Variants in DIP2A observed in about 807,000 individuals in gnomAD.
The protein encoded by DIP2A is disco-interacting protein 2 homolog A.
In DIP2A, 85 loss-of-function variants were observed where a neutral mutation model predicts 177.4. The observed-to-expected ratio is 0.48, with a 90% confidence interval of 0.40 to 0.57. The LOEUF (loss-of-function observed/expected upper bound fraction) is 0.57, where lower values mean the gene tolerates loss of function less well. Among genes scored for constraint, DIP2A ranks in the 20% least tolerant of loss-of-function variants. DIP2A has a pLI of 0.00. For missense variants in DIP2A, 1,791 were observed against 2,100.2 expected (o/e 0.85, Z 2.88); for synonymous variants, 886 against 881.8 (o/e 1.00, Z -0.08).
At chr21:46,478,163 C>T (rs533895145) in intron 1 of DIP2A, among the ~76,000 whole-genome samples, 1 of 151,840 alleles carries the variant, frequency 6.6e-6, no homozygotes, top group Non-Finnish European at 1.5e-5. Context: ...TTTGTATTTC[C>T]CTATATACTT....
intron 9 of DIP2A, among the ~76,000 whole-genome samples, chr21:46,530,578 A>G (rs182002889): frequency 7.3e-4 from 111 of 152,316 alleles, no homozygotes; most frequent in African/African-American, 2.5e-3. Context: ...AGACTAAGAG[A>G]TGGAGAGCGG....
chr21:46,534,798 C>T (rs2059495016), intron 13 of DIP2A, 111 bp downstream of exon 13: 2 of 890,442 alleles, frequency 2.2e-6, no homozygotes, highest in Non-Finnish European at 3.4e-6. Context: ...TGGGTAGTGC[C>T]TTTGCCCATT....
At chr21:46,504,328 C>CA (rs1457400063) in intron 5 of DIP2A, 33 bp from the exon 6 acceptor site, 1 of 1,611,778 alleles carries the variant, frequency 6.2e-7, no homozygotes, top group Non-Finnish European at 8.5e-7. Flanking sequence ...ACTTAACAGC[C>CA]ACTTTCATTT....
intron 1 of DIP2A, among the ~76,000 whole-genome samples, chr21:46,464,844 T>TTTTTTTTTTTTA (rs58546395): frequency 9.0e-6 from 1 of 111,232 alleles, no homozygotes; most frequent in African/African-American, 4.2e-5. Flanking sequence ...TTTTTTTTTT[T>TTTTTTTTTTTTA]CAAGAAAACA....
chr21:46,480,359 A>T (rs1601416194), intron 1 of DIP2A, among the ~76,000 whole-genome samples: 1 of 152,002 alleles, frequency 6.6e-6, no homozygotes. Flanking sequence ...ATGGGGAAAA[A>T]CCTGCCCCCG....
intron 8 of DIP2A, among the ~76,000 whole-genome samples, chr21:46,513,541 C>T (rs1283498772): frequency 6.6e-6 from 1 of 152,160 alleles, no homozygotes; most frequent in Non-Finnish European, 1.5e-5. Context: ...ATTGCCTTGA[C>T]TCTTCTTGGC....
intron 1 of DIP2A, among the ~76,000 whole-genome samples, chr21:46,468,888 A>G (rs1407291433): frequency 2.6e-5 from 4 of 152,308 alleles, no homozygotes; most frequent in Middle Eastern, 3.4e-3. Flanking sequence ...CAATTTTAAT[A>G]TCCTAAAACT....
intron 6 of DIP2A, among the ~76,000 whole-genome samples, chr21:46,508,173 G>A (rs2058114041): frequency 6.6e-6 from 1 of 151,420 alleles, no homozygotes; most frequent in Non-Finnish European, 1.5e-5. Flanking sequence ...AGCAGGGACT[G>A]CAGGCACAAG....
At chr21:46,562,032 A>G (rs756083786) in intron 34 of DIP2A, among the ~76,000 whole-genome samples, 6 of 152,172 alleles carry the variant, frequency 3.9e-5, no homozygotes, top group Admixed American at 2.0e-4. Flanking sequence ...CAAGAAAGGG[A>G]GAAGTTCAGG....
chr21:46,476,719 C>T (rs540386023), intron 1 of DIP2A, among the ~76,000 whole-genome samples: 1 of 147,728 alleles, frequency 6.8e-6, no homozygotes, highest in Non-Finnish European at 1.5e-5. Flanking sequence ...TGGAGTGGTA[C>T]AATCTTGGCT....
At chr21:46,551,221 T>G (rs1303248936) in intron 23 of DIP2A, among the ~76,000 whole-genome samples, 2 of 152,226 alleles carry the variant, frequency 1.3e-5, no homozygotes, top group Non-Finnish European at 2.9e-5. Context: ...AATGCAATTT[T>G]TCATTTCTTT....
intron 18 of DIP2A, among the ~76,000 whole-genome samples, chr21:46,543,658 G>T (rs1223134212): frequency 2.0e-5 from 3 of 151,458 alleles, no homozygotes; most frequent in African/African-American, 7.3e-5. Context: ...TGATTTGTTT[G>T]CAGCAGTTTT....
rs772935504 is a variant in DIP2A, at chr21:46,504,464, C to T, written c.759C>T (p.Ser253=). ...TGAGAAGTGTTCCTCGGGGGTGCAG[C>T]GGGAGCATGCTGGAAACAGCAGATG... The part of the protein sequence containing the change: ...ASVRSVPRGC[S]GSMLETADGV... The change falls in exon 6 of 38, where the codon AGC becomes AGT. Residue 253 remains serine (S), a synonymous_variant. Coordinates refer to ENST00000417564, the MANE Select transcript of DIP2A (RefSeq NM_015151.4). The T allele has an allele frequency of 4.3e-5, 70 of 1,611,240 alleles. No individual in the cohort carries two copies. The highest frequency in any genetic ancestry group is 1.0e-4 in the Admixed American group (6 of 59,840).
At chr21:46,517,883 C>T (rs142333182) in intron 8 of DIP2A, among the ~76,000 whole-genome samples, 225 of 152,364 alleles carry the variant, frequency 1.5e-3, no homozygotes, top group Non-Finnish European at 1.9e-3. Flanking sequence ...GCTCACTTTC[C>T]GGAGGGTTTT....
intron 3 of DIP2A, among the ~76,000 whole-genome samples, chr21:46,490,950 A>AT (rs1199907538): frequency 6.6e-6 from 1 of 152,192 alleles, no homozygotes; most frequent in East Asian, 1.9e-4. Flanking sequence ...TTCTTAGGGG[A>AT]TGCCTACAAA....
the DIP2A span, among the ~76,000 whole-genome samples, chr21:46,578,131 G>T: frequency 6.6e-6 from 1 of 152,152 alleles, no homozygotes; most frequent in African/African-American, 2.4e-5. Flanking sequence ...GGCCAACATG[G>T]TGAAATCCTG....
intron 37 of DIP2A, among the ~76,000 whole-genome samples, chr21:46,567,123 G>C (rs1330610606): frequency 6.6e-6 from 1 of 152,216 alleles, no homozygotes; most frequent in Non-Finnish European, 1.5e-5. Flanking sequence ...TTCACCTGTA[G>C]GGAACTTGTG....
chr21:46,509,051 A>G (rs1481739151), intron 6 of DIP2A, among the ~76,000 whole-genome samples: 1 of 152,186 alleles, frequency 6.6e-6, no homozygotes, highest in Admixed American at 6.5e-5. Context: ...AAAACCTGCT[A>G]GCTTAGAACA....
At chr21:46,561,684 G>T (rs559151174) in intron 33 of DIP2A, 64 bp from the exon 34 acceptor site, 1 of 1,583,808 alleles carries the variant, frequency 6.3e-7, no homozygotes, top group African/African-American at 1.3e-5. Flanking sequence ...GTCATGATCT[G>T]CCCTTTCAGA....
Sources: allele counts gnomAD v4.1 joint callset (sites outside exome capture counted in the v4.1 genomes callset), GRCh38; gene constraint gnomAD v4.1.1; transcripts MANE v1.5; gene names NCBI Gene and HGNC (gene_info 2026-07-23, HGNC 2026-07-21).